Variants in NEB observed in about 807,000 individuals in gnomAD.
The protein encoded by NEB is nebulin.
NEB carries 512 observed loss-of-function variants against 952.2 expected under a neutral mutation model. That is an observed-to-expected ratio of 0.54 (90% confidence interval 0.50 to 0.58). The LOEUF (loss-of-function observed/expected upper bound fraction) is 0.58. Among genes scored for constraint, NEB ranks in the 20% least tolerant of loss-of-function variants. The pLI, the probability that NEB is intolerant of heterozygous loss-of-function variation, is 0.00. For synonymous variants in NEB, 2,900 were observed against 3,149.8 expected, an observed-to-expected ratio of 0.92 and a Z score of 2.66; for missense variants, 8,428 against 9,231.1, an observed-to-expected ratio of 0.91 and a Z score of 3.56.
chr2:151,503,591 T>C, intron 165 of NEB, 150 bp from the exon 166 acceptor site: 1 of 550,940 alleles, frequency 1.8e-6, no homozygotes, highest in Non-Finnish European at 3.2e-6. Context: ...ATTCCATGAA[T>C]ATTTATGTTG....
chr2:151,619,671 T>C lies in NEB; in HGVS notation c.10652A>G (p.His3551Arg). 1 of 1,613,990 alleles carries C rather than the reference T, an allele frequency of 6.2e-7. No homozygotes were observed. The highest frequency in any genetic ancestry group is 8.5e-7 in the Non-Finnish European group (1 of 1,179,868). Residue 3551 changes from histidine (H) to arginine (R), a missense_variant, in exon 73 of 182, where the codon CAC (histidine) becomes CGC (arginine). Transcript: ENST00000397345. ...HDDPKIMWSL[H>R]IAKVQSDREY... ...ACGGTCACTCTGCACTTTGGCAATGTGGAGGGACCACATTATCTTGGGGTC... is the reference window on the plus strand; with the variant it reads ...ACGGTCACTCTGCACTTTGGCAATGCGGAGGGACCACATTATCTTGGGGTC...
chr2:151,619,321 C>T (rs2098324299), intron 73 of NEB, 130 bp downstream of exon 73: 3 of 1,057,472 alleles, frequency 2.8e-6, no homozygotes, highest in African/African-American at 1.6e-5. Flanking sequence ...ATGGGAAACT[C>T]CTTTCAGACA....
chr2:151,697,915 A>C (rs990901565), intron 13 of NEB, among the ~76,000 whole-genome samples: 8 of 152,134 alleles, frequency 5.3e-5, no homozygotes, highest in African/African-American at 1.9e-4. Flanking sequence ...AAATACAAAA[A>C]GTTACCTGGG....
chr2:151,730,204 T>C (rs959247796), intron 3 of NEB, among the ~76,000 whole-genome samples: 4 of 152,222 alleles, frequency 2.6e-5, no homozygotes, highest in Non-Finnish European at 5.9e-5. Context: ...AAGTTTCTTC[T>C]GGAGTGATGG....
chr2:151,616,748 GAC>G (rs2098213707), intron 75 of NEB, among the ~76,000 whole-genome samples: 1 of 152,092 alleles, frequency 6.6e-6, no homozygotes. Context: ...TAATATAAAA[GAC>G]ACAGCATCTT....
chr2:151,519,947 G>A (rs920296742), intron 153 of NEB, 179 bp from the exon 154 acceptor site: 105 of 461,974 alleles, frequency 2.3e-4, no homozygotes, highest in South Asian at 6.4e-4. Flanking sequence ...AGAATGACAA[G>A]ACAACAGGCA....
chr2:151,631,112 C>T (rs201983142), intron 66 of NEB, 31 bp downstream of exon 66: 2 of 1,610,240 alleles, frequency 1.2e-6, no homozygotes, highest in African/African-American at 2.7e-5. Context: ...CTTCTGGCAT[C>T]TTGGAGAAGC....
Position 151,646,201 on chromosome 2 carries a change from T to C in NEB, c.7465A>G (p.Thr2489Ala), listed in dbSNP as rs1321334284. 6.2e-7 allele frequency: 1 copy of C among 1,602,764 alleles called. No individual in the cohort carries two copies. Among genetic ancestry groups the C allele is most frequent in the African/African-American group, 1.3e-5 (1 of 74,944 alleles). Residue 2489 changes from threonine to alanine, a missense_variant, in exon 55 of 182, where the codon ACT becomes GCT. Coordinates refer to ENST00000397345, the MANE Select transcript of NEB (RefSeq NM_001164508.2). ...GTATCAGGCATGATGTGGATCTGAG[T>C]CTTGTCTTTGTCCCAAGCTTCTCTA... ...LYREAWDKDK[T>A]QIHIMPDTPD...
intron 64 of NEB, 68 bp downstream of exon 64, chr2:151,636,159 T>C: frequency 7.5e-7 from 1 of 1,338,254 alleles, no homozygotes; most frequent in Non-Finnish European, 1.0e-6. Context: ...AGTTCTTTTC[T>C]AAGATTTAGT....
chr2:151,550,266 C>CAAA (rs57057802), intron 129 of NEB, among the ~76,000 whole-genome samples: 14 of 73,358 alleles, frequency 1.9e-4, no homozygotes, highest in Admixed American at 5.5e-4. Context: ...ACCCTGTCTC[C>CAAA]AAAAAAAAAA....
chr2:151,500,288 A>C (rs16830114), intron 168 of NEB, among the ~76,000 whole-genome samples: 2,252 of 152,268 alleles, frequency 0.015, 78 homozygotes, highest in East Asian at 0.14. Context: ...TTAAACTGAC[A>C]ATTAAAAATA....
At chr2:151,503,033 G>T in intron 166 of NEB, 148 bp from the exon 167 acceptor site, 1 of 604,692 alleles carries the variant, frequency 1.7e-6, no homozygotes. Context: ...TTTTTTCACA[G>T]TTTTAATGAT....
intron 58 of NEB, 26 bp downstream of exon 58, chr2:151,643,124 C>T (rs764414288): frequency 2.5e-6 from 4 of 1,583,178 alleles, no homozygotes; most frequent in South Asian, 1.1e-5. Flanking sequence ...AAATTAATAA[C>T]CTCCTCAAAC....
intron 107 of NEB, among the ~76,000 whole-genome samples, chr2:151,574,940 A>G (rs1248396696): frequency 6.6e-6 from 1 of 151,900 alleles, no homozygotes; most frequent in Non-Finnish European, 1.5e-5. Flanking sequence ...GGGTCTCCCT[A>G]TGTTGCCCAG....
Position 151,656,477 on chromosome 2 carries a change from T to C in NEB, c.6184-13A>G, listed in dbSNP as rs751429773. 1 of 1,570,382 alleles carries C rather than the reference T, an allele frequency of 6.4e-7. No individual in the cohort carries two copies. Reference sequence around the variant, plus strand: ...ACTTGTATTTATACTGTGAAGAAAATATGAGTTTTTACACAGAGCAATTCC... The same window carrying C: ...ACTTGTATTTATACTGTGAAGAAAACATGAGTTTTTACACAGAGCAATTCC... On this transcript the variant is annotated splice_polypyrimidine_tract_variant and intron_variant, in intron 48 of 181. Transcript: ENST00000397345.
At chr2:151,498,045 T>G (rs2061491434) in intron 170 of NEB, 1 of 1,447,576 alleles carries the variant, frequency 6.9e-7, no homozygotes, top group Non-Finnish European at 9.1e-7. Flanking sequence ...AATGGAAACA[T>G]TCATTATTTT....
chr2:151,640,742 AT>A, intron 60 of NEB, 76 bp from the exon 61 acceptor site: 1 of 1,433,450 alleles, frequency 7.0e-7, no homozygotes, highest in Non-Finnish European at 9.3e-7. Context: ...AACTTGCTCT[AT>A]TTATTAAAAA....
In NEB at chr2:151,562,613, C is replaced by T; in HGVS notation, c.18889G>A (p.Asp6297Asn). The change falls in exon 120 of 182, where the codon GAT becomes AAT. Residue 6297 changes from aspartate to asparagine, a missense_variant and splice_region_variant. Around this residue, in one of 11 missense-constraint regions of NEB, gnomAD observed 3,374 missense variants for 3,651.5 expected, o/e 0.92. Coordinates refer to ENST00000397345, the MANE Select transcript of NEB (RefSeq NM_001164508.2). ...RVRNAQEILS[D>N]NVYKDDLNWL... ...AAGCTGCAGAAGGGACATCATACAT[C>T]ACTCAAGATCTCCTGGGCGTTTCGG... The T allele has an allele frequency of 1.3e-6, 2 of 1,566,704 alleles. No homozygotes were observed. The highest frequency in any genetic ancestry group is 1.3e-5 in the African/African-American group (1 of 74,338).
chr2:151,562,643 G>A lies in NEB; in HGVS notation c.18859C>T (p.Arg6287Cys), dbSNP rs374606967. The A allele has an allele frequency of 8.4e-5, 133 of 1,589,310 alleles. No homozygotes were observed. The highest frequency in any genetic ancestry group is 1.0e-4 in the Non-Finnish European group (120 of 1,161,032). ...AAGATCTCCTGGGCGTTTCGGACGC[G>A]TATAACATTGGGTTCTTCCAGAAGA... The part of the protein sequence containing the change: ...TSLLEEPNVI[R>C]VRNAQEILSD... Residue 6287 changes from arginine to cysteine, a missense_variant, in exon 120 of 182, where the codon CGC (arginine) becomes TGC (cysteine). Arg to Cys is a radical substitution (Grantham distance 180, BLOSUM62 -3). Around this residue, in one of 11 missense-constraint regions of NEB, gnomAD observed 3,374 missense variants for 3,651.5 expected, o/e 0.92. Transcript: ENST00000397345.
Sources: gnomAD v4.1 joint callset for allele counts (sites outside exome capture counted in the v4.1 genomes callset) on GRCh38, gnomAD v4.1.1 for gene constraint, gnomAD v4.1.1 regional missense constraint, MANE v1.5 for transcripts, NCBI Gene and HGNC (gene_info 2026-07-23, HGNC 2026-07-21) for gene names.